PDE9A: variants seen among roughly 807,000 people sequenced by gnomAD.
PDE9A encodes the protein high affinity cGMP-specific 3',5'-cyclic phosphodiesterase 9A.
In PDE9A, 60 loss-of-function variants were observed where a neutral mutation model predicts 87.4. The observed-to-expected ratio is 0.69, with a 90% CI of 0.56 to 0.85. The LOEUF is 0.85. Among genes scored for constraint, PDE9A ranks in the 40% least tolerant of loss-of-function variants. The probability of loss-of-function intolerance (pLI) is 0.00; values close to 1 mark genes in which losing one functional copy is unlikely to be tolerated. For synonymous variants in PDE9A, 272 were observed against 279.4 expected (o/e 0.97, Z 0.27); for missense variants, 665 against 779.0 (o/e 0.85, Z 1.74).
chr21:42,666,200 CA>C (rs1212466281), intron 1 of PDE9A, among the ~76,000 whole-genome samples: 2 of 152,292 alleles, frequency 1.3e-5, no homozygotes, highest in African/African-American at 4.8e-5. Context: ...GGCGTGGCTG[CA>C]GCCGGAAGGG....
chr21:42,751,575 T>C (rs1337179395), intron 9 of PDE9A, among the ~76,000 whole-genome samples: 1 of 152,232 alleles, frequency 6.6e-6, no homozygotes, highest in Non-Finnish European at 1.5e-5. Flanking sequence ...TTAGTTGTCC[T>C]GGCAAGTTTT....
At chr21:42,668,486 A>G (rs1354544292) in intron 1 of PDE9A, among the ~76,000 whole-genome samples, 2 of 152,226 alleles carry the variant, frequency 1.3e-5, no homozygotes, top group Admixed American at 1.3e-4. Context: ...GCAACTGGCG[A>G]GAGGCCTTCA....
At chr21:42,710,971 A>G (rs1009844181) in intron 4 of PDE9A, among the ~76,000 whole-genome samples, 1 of 152,164 alleles carries the variant, frequency 6.6e-6, no homozygotes, top group African/African-American at 2.4e-5. Context: ...TGGGTGACAG[A>G]GCAAAAGCTG....
rs1262224833 is a variant in PDE9A, at chr21:42,695,628, T to C, written c.219-3340T>C. 1.3e-5 allele frequency among the ~76,000 whole-genome samples: 2 copies of C among 152,190 alleles called. No homozygotes were observed. Among genetic ancestry groups the C allele is most frequent in the African/African-American group, 4.8e-5 (2 of 41,436 alleles). ...GGCCAGTATTCTCGGCCATTCTGGC[T>C]TAGAGAAAAGCTTTCTATATTCCAG... On this transcript the variant is annotated intron_variant, in intron 3 of 19. Coordinates refer to ENST00000291539, the MANE Select transcript of PDE9A (RefSeq NM_002606.3). This position sits in a 1 kb window ranked among gnomAD's most constrained non-coding sequence, Gnocchi z 4.3.
chr21:42,689,989 T>C (rs1337039722), intron 3 of PDE9A: 3 of 984,998 alleles, frequency 3.0e-6, no homozygotes, highest in East Asian at 2.3e-4. Flanking sequence ...GTGAAGAAGA[T>C]GGAGACACAC....
intron 8 of PDE9A, among the ~76,000 whole-genome samples, chr21:42,749,057 G>A (rs1210510233): frequency 1.3e-5 from 2 of 152,190 alleles, no homozygotes; most frequent in East Asian, 3.9e-4. Context: ...CTTCTAGTCG[G>A]TTTTGTGTTT....
chr21:42,658,320 C>T (rs1265389488), intron 1 of PDE9A, among the ~76,000 whole-genome samples: 2 of 152,218 alleles, frequency 1.3e-5, no homozygotes, highest in Non-Finnish European at 2.9e-5. Flanking sequence ...GAATGTCGCT[C>T]CCTGCTGCCT....
intron 1 of PDE9A, among the ~76,000 whole-genome samples, chr21:42,655,589 C>T (rs2056999486): frequency 5.9e-5 from 9 of 152,194 alleles, no homozygotes; most frequent in Admixed American, 5.9e-4. Flanking sequence ...AGCTCTACCA[C>T]TTCCTGTACC....
intron 1 of PDE9A, among the ~76,000 whole-genome samples, chr21:42,662,719 A>T (rs1438489623): frequency 7.0e-6 from 1 of 142,904 alleles, no homozygotes; most frequent in Non-Finnish European, 1.5e-5. Flanking sequence ...CACATCACAC[A>T]CTTGTACACA....
chr21:42,699,062 G>T (rs759058528), intron 4 of PDE9A, 51 bp downstream of exon 4: 16 of 1,232,392 alleles, frequency 1.3e-5, no homozygotes, highest in Non-Finnish European at 1.8e-5. Flanking sequence ...AAGAAATCTT[G>T]AGCTTGCCCC....
At chr21:42,747,992 C>T (rs552608176) in intron 8 of PDE9A, among the ~76,000 whole-genome samples, 6 of 152,310 alleles carry the variant, frequency 3.9e-5, no homozygotes, top group African/African-American at 1.4e-4. Context: ...GAGAGAGGGG[C>T]TGCCTGGCCA....
At chr21:42,726,036 T>C (rs1380880808) in intron 4 of PDE9A, among the ~76,000 whole-genome samples, 1 of 152,232 alleles carries the variant, frequency 6.6e-6, no homozygotes, top group Non-Finnish European at 1.5e-5. Context: ...GGTGTCTCAC[T>C]GTGGTTGTAA....
intron 18 of PDE9A, among the ~76,000 whole-genome samples, chr21:42,772,155 C>T (rs1220198079): frequency 1.3e-5 from 2 of 152,206 alleles, no homozygotes; most frequent in African/African-American, 4.8e-5. Context: ...AGGCCAAGCC[C>T]AAGCCGCAGG....
Position 42,743,839 on chromosome 21 carries a change from A to G in PDE9A, c.632A>G (p.Glu211Gly). 1 of 1,583,866 alleles carries G rather than the reference A, an allele frequency of 6.3e-7. No individual in the cohort carries two copies. ...CKSDIKKMRE[E>G]LAARSSRTNC... is the part of the protein sequence containing the mutation. ...AGTGACATTAAGAAGATGAGGGAGG[A>G]GCTGGCGGCCAGAAGCAGCAGGTAG... The change falls in exon 8 of 20, where the codon GAG becomes GGG. Residue 211 changes from glutamate to glycine, a missense_variant. By Grantham distance (98) the Glu-to-Gly change is moderately conservative (BLOSUM62 -2). Coordinates refer to ENST00000291539, the MANE Select transcript of PDE9A (RefSeq NM_002606.3).
At chr21:42,769,586 GTA>G (rs2056794860) in intron 17 of PDE9A, among the ~76,000 whole-genome samples, 1 of 78,450 alleles carries the variant, frequency 1.3e-5, no homozygotes, top group African/African-American at 6.5e-5. Context: ...ATGCACACAG[GTA>G]CACACAGGCA....
chr21:42,688,302 C>T lies in PDE9A; in HGVS notation c.218+308C>T, dbSNP rs546465721. On this transcript the variant is annotated intron_variant, in intron 3 of 19. Coordinates refer to ENST00000291539, the MANE Select transcript of PDE9A (RefSeq NM_002606.3). ...AGCCAAGAGCTGCAGAGCCAGGCCCCGGGATCCCCACATTAACCCCAGGAA... is the reference window on the plus strand; with the variant it reads ...AGCCAAGAGCTGCAGAGCCAGGCCCTGGGATCCCCACATTAACCCCAGGAA... Among the ~76,000 whole-genome samples the T allele has an allele frequency of 7.2e-5, 11 of 152,206 alleles. No individual in the cohort carries two copies. In the South Asian group the frequency reaches 2.1e-3, roughly 29 times the overall value.
rs370443378 is a variant in PDE9A, at chr21:42,670,500, TCA to T, written c.70-15688_70-15687del. On this transcript the variant is annotated intron_variant, in intron 1 of 19. Transcript: ENST00000291539. ...TACACACATACACTTACACACGCAC[TCA>T]CACCTTCACACACACAGGCAATCAC... Among the ~76,000 whole-genome samples the T allele has an allele frequency of 4.8e-4, 71 of 148,256 alleles. No individual in the cohort carries two copies. In the South Asian group the frequency reaches 9.5e-3, roughly 20 times the overall value.
At chr21:42,670,546 A>G (rs1020939309) in intron 1 of PDE9A, among the ~76,000 whole-genome samples, 1 of 151,646 alleles carries the variant, frequency 6.6e-6, no homozygotes, top group Non-Finnish European at 1.5e-5. Context: ...ACTCACGTAC[A>G]CTTACCCACA....
intron 1 of PDE9A, among the ~76,000 whole-genome samples, chr21:42,685,044 C>A (rs2059372549): frequency 6.6e-6 from 1 of 152,172 alleles, no homozygotes; most frequent in Non-Finnish European, 1.5e-5. Context: ...GCCTGCGTTT[C>A]CCCCACACCG....
Sources: gnomAD v4.1 joint callset for allele counts (sites outside exome capture counted in the v4.1 genomes callset) on GRCh38, gnomAD v4.1.1 for gene constraint, Gnocchi (gnomAD v3.1) non-coding constraint, MANE v1.5 for transcripts, NCBI Gene and HGNC (gene_info 2026-07-23, HGNC 2026-07-21) for gene names.